Variants in CNTN3 observed in about 807,000 individuals in gnomAD.
CNTN3 encodes the protein contactin-3.
In CNTN3, 60 loss-of-function variants were observed where a neutral mutation model predicts 119.1. The observed-to-expected ratio is 0.50, with a 90% CI of 0.41 to 0.62. The LOEUF is 0.62. Among genes scored for constraint, CNTN3 ranks in the 20% least tolerant of loss-of-function variants. The pLI is 0.00. For synonymous variants in CNTN3, 450 were observed against 438.7 expected, an observed-to-expected ratio of 1.03 and a Z score of -0.32; for missense variants, 1,101 against 1,242.4, an observed-to-expected ratio of 0.89 and a Z score of 1.71.
intron 5 of CNTN3, among the ~76,000 whole-genome samples, chr3:74,371,619 T>C (rs371424007): frequency 6.6e-6 from 1 of 152,166 alleles, no homozygotes; most frequent in African/African-American, 2.4e-5. Context: ...AGCAATATTA[T>C]TACTGTCATA....
intron 13 of CNTN3, among the ~76,000 whole-genome samples, chr3:74,320,943 T>G (rs1245108273): frequency 6.6e-6 from 1 of 150,776 alleles, no homozygotes; most frequent in Non-Finnish European, 1.5e-5. Context: ...AAATATATGT[T>G]GAATTGAAAA....
chr3:74,612,999 A>G (rs1466464157), intron 1 of CNTN3, among the ~76,000 whole-genome samples: 2 of 152,244 alleles, frequency 1.3e-5, no homozygotes, highest in Admixed American at 1.3e-4. Context: ...GGTTAAAACC[A>G]TGAACCAAGA....
Position 74,445,587 on chromosome 3 carries a change from A to G in CNTN3, c.359-20647T>C, listed in dbSNP as rs529897553. On this transcript the variant is annotated intron_variant, in intron 4 of 22. Coordinates refer to ENST00000263665, the MANE Select transcript of CNTN3 (RefSeq NM_020872.3). ...AATGAAATTAAGTAGAAATGCTTTAATAAGATATTTATTTAACTATGACAG... is the reference window on the plus strand; with the variant it reads ...AATGAAATTAAGTAGAAATGCTTTAGTAAGATATTTATTTAACTATGACAG... Among the ~76,000 whole-genome samples, 148 of 152,340 alleles carry G rather than the reference A, an allele frequency of 9.7e-4. 1 individual carries two copies. The highest frequency in any genetic ancestry group is 3.5e-3 in the African/African-American group (146 of 41,594).
At chr3:74,578,484 T>C (rs1320211235) in intron 1 of CNTN3, among the ~76,000 whole-genome samples, 3 of 152,048 alleles carry the variant, frequency 2.0e-5, no homozygotes, top group East Asian at 1.9e-4. Context: ...CAATGAAATA[T>C]AGACATCTGT....
chr3:74,451,463 T>A (rs1702153956), intron 4 of CNTN3, among the ~76,000 whole-genome samples: 1 of 152,120 alleles, frequency 6.6e-6, no homozygotes. Context: ...ATTTTGTGGG[T>A]TGCCTGTTCA....
At chr3:74,610,683 C>A (rs1705066342) in intron 1 of CNTN3, among the ~76,000 whole-genome samples, 1 of 151,622 alleles carries the variant, frequency 6.6e-6, no homozygotes, top group African/African-American at 2.4e-5. Flanking sequence ...GGCTGCTATG[C>A]AGGATGATTT....
At chr3:74,516,945 T>C (rs1469896280) in intron 2 of CNTN3, among the ~76,000 whole-genome samples, 1 of 151,932 alleles carries the variant, frequency 6.6e-6, no homozygotes, top group Non-Finnish European at 1.5e-5. Context: ...ACCTCTGGCC[T>C]ATAGACCTCA....
intron 4 of CNTN3, among the ~76,000 whole-genome samples, chr3:74,434,077 A>G (rs1178816811): frequency 6.6e-6 from 1 of 152,222 alleles, no homozygotes; most frequent in Non-Finnish European, 1.5e-5. Flanking sequence ...TCTGCATTGC[A>G]GAGTTCCTAA....
chr3:74,597,511 A>G (rs1240057038), intron 1 of CNTN3, among the ~76,000 whole-genome samples: 1 of 152,062 alleles, frequency 6.6e-6, no homozygotes. Flanking sequence ...TCACTTAATT[A>G]TTCATGATAT....
intron 13 of CNTN3, among the ~76,000 whole-genome samples, chr3:74,325,649 T>C (rs1703110034): frequency 6.6e-6 from 1 of 152,172 alleles, no homozygotes; most frequent in Non-Finnish European, 1.5e-5. Flanking sequence ...CTGCTGGCAG[T>C]AGTAATGACC....
At chr3:74,554,562 T>G (rs1422444545) in intron 1 of CNTN3, among the ~76,000 whole-genome samples, 2 of 152,202 alleles carry the variant, frequency 1.3e-5, no homozygotes, top group Non-Finnish European at 2.9e-5. Flanking sequence ...TGGAATGTTT[T>G]TCCATTTGTT....
At chr3:74,358,787 A>C (rs1218720998) in intron 11 of CNTN3, among the ~76,000 whole-genome samples, 4 of 116,016 alleles carry the variant, frequency 3.4e-5, no homozygotes, top group Non-Finnish European at 5.0e-5. Flanking sequence ...CAGTCCCCAG[A>C]GTGTGATATT....
chr3:74,496,114 A>G (rs1703058320), intron 3 of CNTN3, among the ~76,000 whole-genome samples: 1 of 152,098 alleles, frequency 6.6e-6, no homozygotes, highest in East Asian at 1.9e-4. Context: ...TTTAAATTTC[A>G]AGGGCCACAT....
intron 3 of CNTN3, among the ~76,000 whole-genome samples, chr3:74,495,848 T>G (rs747153237): frequency 1.3e-5 from 2 of 152,058 alleles, no homozygotes; most frequent in Non-Finnish European, 2.9e-5. Flanking sequence ...TTCCTTACAC[T>G]CTATTAAAAT....
intron 20 of CNTN3, among the ~76,000 whole-genome samples, chr3:74,279,396 G>A (rs1575693617): frequency 6.6e-6 from 1 of 152,038 alleles, no homozygotes; most frequent in East Asian, 1.9e-4. Flanking sequence ...AAGAAACTGT[G>A]ATATATATAT....
chr3:74,606,662 A>C (rs1232891477), intron 1 of CNTN3, among the ~76,000 whole-genome samples: 1 of 152,176 alleles, frequency 6.6e-6, no homozygotes, highest in Admixed American at 6.5e-5. Context: ...AGAACTATTT[A>C]AAGCAACAGA....
chr3:74,372,994 C>T (rs1222023798), intron 5 of CNTN3, among the ~76,000 whole-genome samples: 1 of 152,166 alleles, frequency 6.6e-6, no homozygotes, highest in Non-Finnish European at 1.5e-5. Flanking sequence ...CAAAAATTAG[C>T]AAGCCAATTG....
At chr3:74,488,110 C>A (rs947268282) in intron 3 of CNTN3, among the ~76,000 whole-genome samples, 1 of 150,350 alleles carries the variant, frequency 6.7e-6, no homozygotes, top group African/African-American at 2.4e-5. Context: ...AAATTATAAA[C>A]CTCAACTTTT....
chr3:74,559,284 C>A (rs1195200837), intron 1 of CNTN3, among the ~76,000 whole-genome samples: 1 of 152,084 alleles, frequency 6.6e-6, no homozygotes, highest in Admixed American at 6.6e-5. Context: ...AGCTGTGATT[C>A]TTTAGATGCA....
Sources: allele counts gnomAD v4.1 joint callset (sites outside exome capture counted in the v4.1 genomes callset), GRCh38; gene constraint gnomAD v4.1.1; transcripts MANE v1.5; gene names NCBI Gene and HGNC (gene_info 2026-07-23, HGNC 2026-07-21).